MAP4K5: variants seen among roughly 807,000 people sequenced by gnomAD.
MAP4K5 encodes MAPK/ERK kinase kinase kinase 5.
MAP4K5 carries 82 observed loss-of-function variants against 135.6 expected under a neutral mutation model. The ratio of observed to expected loss-of-function variants is 0.60; its 90% CI spans 0.51 to 0.73. The LOEUF is 0.73. MAP4K5 is among the 30% of genes least tolerant of loss of function. MAP4K5 has a pLI of 0.00. For missense variants in MAP4K5, 907 were observed against 1,010.9 expected (o/e 0.90, Z 1.39); for synonymous variants, 347 against 335.0 (o/e 1.04, Z -0.39).
chr14:50,502,142 C>T (rs958652928), intron 3 of MAP4K5, among the ~76,000 whole-genome samples: 7 of 152,072 alleles, frequency 4.6e-5, no homozygotes, highest in East Asian at 1.9e-4. Flanking sequence ...ACGCTAAGCA[C>T]GTGGGAGTTA....
intron 2 of MAP4K5, among the ~76,000 whole-genome samples, chr14:50,519,144 TAA>T (rs2140082186): frequency 6.6e-6 from 1 of 152,044 alleles, no homozygotes; most frequent in South Asian, 2.1e-4. Flanking sequence ...ACACAAGTAT[TAA>T]ATATGTATAT....
At chr14:50,480,372 G>A (rs2037210122) in intron 6 of MAP4K5, among the ~76,000 whole-genome samples, 1 of 147,554 alleles carries the variant, frequency 6.8e-6, no homozygotes, top group Non-Finnish European at 1.5e-5. Flanking sequence ...ACCCTGTTGT[G>A]TTATCAAATA....
intron 11 of MAP4K5, among the ~76,000 whole-genome samples, chr14:50,464,379 T>G (rs2036784070): frequency 6.6e-6 from 1 of 152,210 alleles, no homozygotes; most frequent in African/African-American, 2.4e-5. Context: ...ATAGATAGGC[T>G]GTGTCATTTA....
At chr14:50,487,519 C>A (rs1293254063) in intron 3 of MAP4K5, among the ~76,000 whole-genome samples, 1 of 152,114 alleles carries the variant, frequency 6.6e-6, no homozygotes, top group Non-Finnish European at 1.5e-5. Context: ...TGAGAGAAAA[C>A]CTTTAAAGAT....
intron 3 of MAP4K5, among the ~76,000 whole-genome samples, chr14:50,493,628 CA>C: frequency 6.6e-6 from 1 of 151,896 alleles, no homozygotes; most frequent in East Asian, 1.9e-4. Context: ...AAAATCAAAA[CA>C]GAAAAATCAG....
At chr14:50,519,083 T>A (rs1205264204) in intron 2 of MAP4K5, among the ~76,000 whole-genome samples, 2 of 152,164 alleles carry the variant, frequency 1.3e-5, no homozygotes, top group African/African-American at 4.8e-5. Flanking sequence ...CAATTGCTTG[T>A]ATGTTTGTAT....
intron 1 of MAP4K5, among the ~76,000 whole-genome samples, chr14:50,552,615 G>A (rs2038716320): frequency 6.6e-6 from 1 of 152,148 alleles, no homozygotes; most frequent in Non-Finnish European, 1.5e-5. Flanking sequence ...TTCAAATTTT[G>A]CTGTGAGGCT....
intron 11 of MAP4K5, 36 bp downstream of exon 11, chr14:50,466,547 G>GTAAAATTC: frequency 9.3e-7 from 1 of 1,075,312 alleles, no homozygotes; most frequent in Non-Finnish European, 1.4e-6. Context: ...CCTTTCGATT[G>GTAAAATTC]TAAAATTCTA....
intron 9 of MAP4K5, 86 bp from the exon 10 acceptor site, chr14:50,468,868 G>A: frequency 1.6e-6 from 2 of 1,274,494 alleles, no homozygotes; most frequent in Non-Finnish European, 2.2e-6. Flanking sequence ...CAGACTTGTT[G>A]GAGGGAAGGA....
intron 3 of MAP4K5, among the ~76,000 whole-genome samples, chr14:50,493,478 T>A (rs2139970197): frequency 6.6e-6 from 1 of 152,082 alleles, no homozygotes; most frequent in Non-Finnish European, 1.5e-5. Context: ...AAAAATCACA[T>A]AAAAGTTACC....
chr14:50,444,791 A>G (rs950379960), intron 18 of MAP4K5, among the ~76,000 whole-genome samples: 3 of 152,156 alleles, frequency 2.0e-5, no homozygotes, highest in Non-Finnish European at 4.4e-5. Flanking sequence ...ACCCTTCTAG[A>G]TCCTATAATA....
intron 14 of MAP4K5, among the ~76,000 whole-genome samples, chr14:50,455,344 T>C (rs2036576818): frequency 6.6e-6 from 1 of 151,910 alleles, no homozygotes; most frequent in South Asian, 2.1e-4. Context: ...AAAAGATAGA[T>C]AAAATAGACT....
chr14:50,464,853 T>C (rs563917845), intron 11 of MAP4K5, among the ~76,000 whole-genome samples: 40 of 152,322 alleles, frequency 2.6e-4, no homozygotes, highest in East Asian at 1.5e-3. Flanking sequence ...GCGATAAAGA[T>C]AACATGGAGT....
intron 10 of MAP4K5, among the ~76,000 whole-genome samples, chr14:50,468,238 A>T (rs911687574): frequency 6.6e-6 from 1 of 152,214 alleles, no homozygotes; most frequent in African/African-American, 2.4e-5. Context: ...TGATAAAAGA[A>T]TGAACATGAA....
chr14:50,506,733 G>A (rs1016753788), intron 2 of MAP4K5, among the ~76,000 whole-genome samples: 12 of 151,818 alleles, frequency 7.9e-5, no homozygotes, highest in Non-Finnish European at 2.9e-5. Context: ...TACTGAATAG[G>A]GTAAGAAGGT....
intron 5 of MAP4K5, 113 bp downstream of exon 5, chr14:50,485,465 G>A: frequency 1.5e-6 from 1 of 685,410 alleles, no homozygotes; most frequent in Non-Finnish European, 2.5e-6. Context: ...TCCGGGAACA[G>A]AAGAATGCAA....
chr14:50,467,445 C>T (rs1255720434), intron 10 of MAP4K5, among the ~76,000 whole-genome samples: 1 of 151,906 alleles, frequency 6.6e-6, no homozygotes. Context: ...TAGTCTTTAT[C>T]TAAATGCTTA....
intron 2 of MAP4K5, among the ~76,000 whole-genome samples, chr14:50,527,387 G>C (rs1461471747): frequency 6.7e-6 from 1 of 150,172 alleles, no homozygotes; most frequent in East Asian, 1.9e-4. Flanking sequence ...TCTAGCCTGG[G>C]CAAAAGAGCA....
At chr14:50,510,875 A>T (rs2037917122) in intron 2 of MAP4K5, among the ~76,000 whole-genome samples, 1 of 152,176 alleles carries the variant, frequency 6.6e-6, no homozygotes, top group Non-Finnish European at 1.5e-5. Context: ...CAGAACACAA[A>T]CCTTGATACT....
Sources: allele counts gnomAD v4.1 joint callset (sites outside exome capture counted in the v4.1 genomes callset), GRCh38; gene constraint gnomAD v4.1.1; transcripts MANE v1.5; gene names NCBI Gene and HGNC (gene_info 2026-07-23, HGNC 2026-07-21).